Variants in WWC1 observed in about 807,000 individuals in gnomAD.
WWC1 encodes the protein protein KIBRA.
In WWC1, 55 loss-of-function variants were observed where a neutral mutation model predicts 138.4. That is an observed-to-expected ratio of 0.40 (90% CI 0.32 to 0.50). The LOEUF (loss-of-function observed/expected upper bound fraction) is 0.50. Among genes scored for constraint, WWC1 ranks in the 20% least tolerant of loss-of-function variants. The pLI is 0.72. For synonymous variants in WWC1, 524 were observed against 564.9 expected (o/e 0.93, Z 1.03); for missense variants, 1,226 against 1,420.4 (o/e 0.86, Z 2.20).
chr5:168,376,094 C>A (rs1008082320), intron 2 of WWC1, among the ~76,000 whole-genome samples: 4 of 151,586 alleles, frequency 2.6e-5, no homozygotes, highest in Admixed American at 1.3e-4. Flanking sequence ...TTGCTCTGTC[C>A]CCAGGCTGTA....
At chr5:168,423,037 T>C (rs778320247) in intron 10 of WWC1, among the ~76,000 whole-genome samples, 1 of 151,010 alleles carries the variant, frequency 6.6e-6, no homozygotes, top group East Asian at 2.0e-4. Flanking sequence ...TCCCAGCCAC[T>C]TGGGAGGCTG....
At chr5:168,345,833 T>C (rs909259408) in intron 1 of WWC1, among the ~76,000 whole-genome samples, 1 of 152,228 alleles carries the variant, frequency 6.6e-6, no homozygotes, top group Non-Finnish European at 1.5e-5. Context: ...TCAAGATACA[T>C]ATCCAGTCAT....
chr5:168,423,721 G>A lies in WWC1; in HGVS notation c.1463G>A (p.Gly488Glu). 6.2e-7 allele frequency: 1 copy of A among 1,614,016 alleles called. No individual in the cohort carries two copies. Among genetic ancestry groups the A allele is most frequent in the East Asian group, 2.2e-5 (1 of 44,878 alleles). The stretch of plus-strand genomic sequence containing the variant: ...AAGGTGGAGTTCCTGCTCCTGGAGG[G>A]GGCCACCGGCTTCCGGCCCTCAGGC... ...QSKVEFLLLE[G>E]ATGFRPSGCI... Residue 488 changes from glycine (G) to glutamate (E), a missense_variant, in exon 11 of 23, where the codon GGG (glycine) becomes GAG (glutamate). Transcript: ENST00000265293.
At chr5:168,371,336 A>G in intron 1 of WWC1, 88 bp from the exon 2 acceptor site, 1 of 937,110 alleles carries the variant, frequency 1.1e-6, no homozygotes, top group Non-Finnish European at 1.7e-6. Flanking sequence ...GAGCCAGCCC[A>G]GAAAAGCAGG....
In WWC1 at chr5:168,456,497, G is replaced by A. The variant is rs933142504; in HGVS notation, c.2823+977G>A. Among the ~76,000 whole-genome samples the A allele has an allele frequency of 2.0e-5, 3 of 152,162 alleles. No individual in the cohort carries two copies. The East Asian group carries it at 5.8e-4, about 29-fold the overall frequency. The stretch of plus-strand genomic sequence containing the variant: ...AAAATGCAAAAAATTAGTGCATGGT[G>A]GCACATGCTTGTAATCCCAGCTACT... On this transcript the variant is annotated intron_variant, in intron 19 of 22. Coordinates refer to ENST00000265293, the MANE Select transcript of WWC1 (RefSeq NM_015238.3).
At chr5:168,459,309 A>G (rs1040328538) in intron 19 of WWC1, among the ~76,000 whole-genome samples, 5 of 151,056 alleles carry the variant, frequency 3.3e-5, no homozygotes, top group Non-Finnish European at 5.9e-5. Flanking sequence ...TTCTGGTACC[A>G]CATGCAACCA....
intron 16 of WWC1, 125 bp downstream of exon 16, chr5:168,441,959 G>T: frequency 1.5e-6 from 2 of 1,358,540 alleles, no homozygotes; most frequent in Non-Finnish European, 9.7e-7. Flanking sequence ...GGAGGAAGTA[G>T]GAGAAGAAGA....
intron 15 of WWC1, among the ~76,000 whole-genome samples, chr5:168,439,105 C>T (rs1030460646): frequency 6.6e-6 from 1 of 152,148 alleles, no homozygotes; most frequent in Non-Finnish European, 1.5e-5. Context: ...TGTAGATAGA[C>T]TATAGACACA....
intron 2 of WWC1, among the ~76,000 whole-genome samples, chr5:168,380,382 G>GGATC (rs1340458458): frequency 6.6e-6 from 1 of 152,062 alleles, no homozygotes; most frequent in Non-Finnish European, 1.5e-5. Flanking sequence ...TGAGGCTGGA[G>GGATC]GATCACTTTA....
chr5:168,421,503 T>G (rs552831437), intron 9 of WWC1, among the ~76,000 whole-genome samples: 2 of 152,240 alleles, frequency 1.3e-5, no homozygotes, highest in Non-Finnish European at 2.9e-5. Context: ...CAGTAGAATG[T>G]AAGCCCTATA....
intron 5 of WWC1, 96 bp downstream of exon 5, chr5:168,399,663 C>T: frequency 8.2e-7 from 1 of 1,225,590 alleles, no homozygotes; most frequent in Non-Finnish European, 1.2e-6. Context: ...CCCTTTCCTC[C>T]CTTCTCAAAA....
chr5:168,468,926 T>C, intron 22 of WWC1, 25 bp from the exon 23 acceptor site: 1 of 1,613,858 alleles, frequency 6.2e-7, no homozygotes, highest in South Asian at 1.1e-5. Flanking sequence ...AAACCCCTGC[T>C]CTAAAGGGAT....
At chr5:168,336,939 G>C (rs564280873) in intron 1 of WWC1, among the ~76,000 whole-genome samples, 1 of 152,318 alleles carries the variant, frequency 6.6e-6, no homozygotes, top group South Asian at 2.1e-4. Context: ...AAGCTAGATG[G>C]TGTATGTGCT....
chr5:168,314,426 G>C (rs1453276754), intron 1 of WWC1, among the ~76,000 whole-genome samples: 1 of 152,080 alleles, frequency 6.6e-6, no homozygotes, highest in Non-Finnish European at 1.5e-5. Context: ...AATTAGCCAG[G>C]TGTGGTGGTG....
chr5:168,302,609 G>A (rs1158848124), intron 1 of WWC1, among the ~76,000 whole-genome samples: 1 of 152,020 alleles, frequency 6.6e-6, no homozygotes, highest in Non-Finnish European at 1.5e-5. Context: ...TGCTGGGAGT[G>A]CAATGGTGAT....
intron 1 of WWC1, among the ~76,000 whole-genome samples, chr5:168,311,106 T>C (rs1453857375): frequency 2.0e-5 from 3 of 152,182 alleles, no homozygotes. Context: ...AAGCATGCCC[T>C]ACACTTTGCC....
At chr5:168,348,200 C>T (rs937300764) in intron 1 of WWC1, among the ~76,000 whole-genome samples, 3 of 152,170 alleles carry the variant, frequency 2.0e-5, no homozygotes, top group East Asian at 1.9e-4. Flanking sequence ...ACCGGCCACA[C>T]AGCTGGCAAG....
chr5:168,435,017 C>T (rs1782245929), intron 15 of WWC1, among the ~76,000 whole-genome samples: 1 of 152,328 alleles, frequency 6.6e-6, no homozygotes, highest in East Asian at 1.9e-4. Context: ...AAAATGCACA[C>T]AACCACGCTG....
intron 2 of WWC1, among the ~76,000 whole-genome samples, chr5:168,383,689 C>A (rs1777822572): frequency 6.6e-6 from 1 of 152,170 alleles, no homozygotes; most frequent in South Asian, 2.1e-4. Flanking sequence ...ATGAAGATAT[C>A]TCTCCATTTT....
Sources: gnomAD v4.1 joint callset for allele counts (sites outside exome capture counted in the v4.1 genomes callset) on GRCh38, gnomAD v4.1.1 for gene constraint, MANE v1.5 for transcripts, NCBI Gene and HGNC (gene_info 2026-07-23, HGNC 2026-07-21) for gene names.